The following MIPOL1 variants were observed in gnomAD, a reference collection of about 807,000 sequenced individuals.
The protein encoded by MIPOL1 is mirror-image polydactyly gene 1 protein.
Under a neutral mutation model 60.9 loss-of-function variants are expected in MIPOL1, and 57 were observed. That is an observed-to-expected ratio of 0.94 (90% CI 0.76 to 1.17). The LOEUF is 1.17. Ranked by LOEUF, MIPOL1 falls within the 50% of genes most tolerant of loss-of-function variation. MIPOL1 has a pLI of 0.00. For missense variants in MIPOL1, 551 were observed against 511.6 expected (o/e 1.08, Z -0.74); for synonymous variants, 179 against 168.8 (o/e 1.06, Z -0.47).
intron 11 of MIPOL1, among the ~76,000 whole-genome samples, chr14:37,497,888 A>G (rs903719317): frequency 1.3e-5 from 2 of 152,200 alleles, no homozygotes; most frequent in African/African-American, 2.4e-5. Flanking sequence ...ATCAGCATCT[A>G]TTATCATTGT....
chr14:37,391,505 C>T (rs1031342375), intron 10 of MIPOL1, among the ~76,000 whole-genome samples: 13 of 151,862 alleles, frequency 8.6e-5, no homozygotes, highest in Non-Finnish European at 1.8e-4. Flanking sequence ...AAGCCATTCT[C>T]CTGCCTCAGC....
intron 1 of MIPOL1, among the ~76,000 whole-genome samples, chr14:37,200,879 TGTGTGTGTGTGTGTGTGTG>T (rs1965178172): frequency 9.3e-6 from 1 of 107,092 alleles, no homozygotes; most frequent in African/African-American, 5.8e-5. Flanking sequence ...TGTGTGTGTG[TGTGTGTGTGTGTGTGTGTG>T]TATTTTTTTT....
At chr14:37,431,745 ATT>A (rs796193149) in intron 11 of MIPOL1, among the ~76,000 whole-genome samples, 4 of 138,596 alleles carry the variant, frequency 2.9e-5, no homozygotes, top group Admixed American at 7.1e-5. Context: ...TGCCTGGCTA[ATT>A]TTTTTTTTTT....
intron 10 of MIPOL1, among the ~76,000 whole-genome samples, chr14:37,370,571 A>G (rs1427197236): frequency 6.6e-6 from 1 of 152,202 alleles, no homozygotes; most frequent in Non-Finnish European, 1.5e-5. Context: ...ATGTACCAAA[A>G]TTGAGGAAAA....
rs539166247 is a variant in MIPOL1 at position 37,547,002 on chromosome 14, T to A, written c.*31T>A. 6 of 1,593,098 alleles carry A rather than the reference T, an allele frequency of 3.8e-6. No individual in the cohort carries two copies. The South Asian group carries it at 5.5e-5, about 15-fold the overall frequency. On this transcript the variant is annotated 3_prime_UTR_variant, in exon 13 of 13. Transcript: ENST00000684589. ...AAAAAACGACAGTCTGGGGAAGCGATCACATCTGGTGACCAGGCTGCTTCA... is the reference window on the plus strand; with the variant it reads ...AAAAAACGACAGTCTGGGGAAGCGAACACATCTGGTGACCAGGCTGCTTCA...
At position 37,547,067 on chromosome 14, in the gene MIPOL1, C is replaced by A; in HGVS notation, c.*96C>A. On this transcript the variant is annotated 3_prime_UTR_variant, in exon 13 of 13. Coordinates refer to ENST00000684589, the MANE Select transcript of MIPOL1 (RefSeq NM_001388067.1). ...AACACCAAAGCCTTAACTTAGCAAA[C>A]AGTTGTTAGAAGTGGGACACTCCAA... 1 of 1,059,088 alleles carries A rather than the reference C, an allele frequency of 9.4e-7. No homozygotes were observed. Among genetic ancestry groups the A allele is most frequent in the Non-Finnish European group, 1.4e-6 (1 of 700,844 alleles). The allele number at this position is 1,059,088 out of a possible 1,614,324, so 65.6% of individuals were successfully genotyped here. A position where few individuals can be genotyped will look rare whatever the true frequency, so the allele number is the denominator to read the frequency against.
At chr14:37,211,706 T>A (rs548956170) in intron 1 of MIPOL1, among the ~76,000 whole-genome samples, 1 of 151,920 alleles carries the variant, frequency 6.6e-6, no homozygotes, top group East Asian at 1.9e-4. Context: ...TGGACTGTGG[T>A]TGGGGGGCAT....
intron 12 of MIPOL1, among the ~76,000 whole-genome samples, chr14:37,538,500 AATTGCTGGG>A (rs1457897750): frequency 2.0e-4 from 31 of 152,308 alleles, no homozygotes; most frequent in African/African-American, 7.5e-4. Flanking sequence ...AAAAGATATG[AATTGCTGGG>A]GAAAATGAGC....
chr14:37,198,957 A>C (rs1219356266), intron 1 of MIPOL1, among the ~76,000 whole-genome samples: 1 of 152,220 alleles, frequency 6.6e-6, no homozygotes, highest in Non-Finnish European at 1.5e-5. Context: ...ATGCAATCGT[A>C]TGCCAATAAA....
chr14:37,285,365 G>C lies in MIPOL1; in HGVS notation c.541G>C (p.Val181Leu), dbSNP rs763682725. Reference protein sequence around the residue: ...YFAQKERDEAVMSRLQLAIEE... With the variant: ...YFAQKERDEALMSRLQLAIEE... The stretch of plus-strand genomic sequence containing the variant: ...TGCGCAGAAGGAACGTGATGAAGCT[G>C]TTATGTCTAGACTGCAATTAGCCAT... The change falls in exon 7 of 13, where the codon GTT (valine) becomes CTT (leucine). Residue 181 changes from valine to leucine, a missense_variant. By Grantham distance (32) the Val-to-Leu change is conservative (BLOSUM62 1). Coordinates refer to ENST00000684589, the MANE Select transcript of MIPOL1 (RefSeq NM_001388067.1). 1 of 1,613,962 alleles carries C rather than the reference G, an allele frequency of 6.2e-7. No homozygotes were observed. Among genetic ancestry groups the C allele is most frequent in the South Asian group, 1.1e-5 (1 of 91,072 alleles).
At chr14:37,504,328 T>C (rs1372001886) in intron 12 of MIPOL1, 1 of 152,204 alleles carries the variant, frequency 6.6e-6, no homozygotes, top group Admixed American at 6.5e-5. Flanking sequence ...ACATCACACT[T>C]ATTCTAAAAC....
At chr14:37,406,940 G>A (rs1362513052) in intron 10 of MIPOL1, among the ~76,000 whole-genome samples, 1 of 151,984 alleles carries the variant, frequency 6.6e-6, no homozygotes, top group African/African-American at 2.4e-5. Context: ...AAAGTAACGG[G>A]CATCTAACTA....
chr14:37,528,159 T>C (rs573102984), intron 12 of MIPOL1, among the ~76,000 whole-genome samples: 6 of 152,058 alleles, frequency 3.9e-5, no homozygotes, highest in African/African-American at 1.4e-4. Context: ...TTAGAAAAAG[T>C]TTAAAATATA....
At chr14:37,373,184 G>A (rs1232503790) in intron 10 of MIPOL1, among the ~76,000 whole-genome samples, 1 of 151,980 alleles carries the variant, frequency 6.6e-6, no homozygotes, top group Non-Finnish European at 1.5e-5. Context: ...TGTATTTTTA[G>A]TAGAGACGGG....
intron 1 of MIPOL1, among the ~76,000 whole-genome samples, chr14:37,231,397 A>T (rs1409877441): frequency 6.6e-6 from 1 of 152,110 alleles, no homozygotes; most frequent in East Asian, 1.9e-4. Flanking sequence ...TAATATTTTC[A>T]ATATACAGTT....
chr14:37,361,623 T>C (rs2092255270), intron 9 of MIPOL1, among the ~76,000 whole-genome samples: 6 of 136,536 alleles, frequency 4.4e-5, no homozygotes, highest in Admixed American at 7.5e-5. Flanking sequence ...TTTTTTTTTT[T>C]TTTTTTTTTT....
chr14:37,546,714 C>T (rs955473616), intron 12 of MIPOL1, among the ~76,000 whole-genome samples, 191 bp from the exon 13 acceptor site: 5 of 152,112 alleles, frequency 3.3e-5, no homozygotes, highest in Non-Finnish European at 5.9e-5. Flanking sequence ...AAGTTTGTGT[C>T]GTTGCTGGGT....
At chr14:37,258,833 C>G (rs974909620) in intron 3 of MIPOL1, among the ~76,000 whole-genome samples, 1 of 151,764 alleles carries the variant, frequency 6.6e-6, no homozygotes, top group African/African-American at 2.4e-5. Flanking sequence ...CTACTTCAGA[C>G]TTGGTGAAAC....
At chr14:37,338,658 C>T (rs1480152801) in intron 9 of MIPOL1, among the ~76,000 whole-genome samples, 1 of 152,136 alleles carries the variant, frequency 6.6e-6, no homozygotes, top group Non-Finnish European at 1.5e-5. Flanking sequence ...ATTTGCCTGC[C>T]TCAGCCTCCA....
Sources: gnomAD v4.1 joint callset for allele counts (sites outside exome capture counted in the v4.1 genomes callset) on GRCh38, gnomAD v4.1.1 for gene constraint, MANE v1.5 for transcripts, NCBI Gene and HGNC (gene_info 2026-07-23, HGNC 2026-07-21) for gene names.